ZFR2: variants seen among roughly 807,000 people sequenced by gnomAD.
ZFR2 encodes the protein zinc finger RNA-binding protein 2.
Under a neutral mutation model 105.7 loss-of-function variants are expected in ZFR2, and 104 were observed. That is an observed-to-expected ratio of 0.98 (90% CI 0.84 to 1.16). ZFR2 has a LOEUF of 1.16. ZFR2 is among the 50% of genes most tolerant of loss of function. The probability of loss-of-function intolerance (pLI) is 0.00; values close to 1 mark genes in which losing one functional copy is unlikely to be tolerated. For synonymous variants in ZFR2, 634 were observed against 597.7 expected (o/e 1.06, Z -0.89); for missense variants, 1,425 against 1,355.5 (o/e 1.05, Z -0.80).
intron 1 of ZFR2, among the ~76,000 whole-genome samples, chr19:3,844,660 C>T (rs994598087): frequency 2.0e-5 from 3 of 152,184 alleles, no homozygotes; most frequent in Non-Finnish European, 4.4e-5. Context: ...TGAGCCACTG[C>T]GCCTGGCCCA....
chr19:3,827,597 C>G lies in ZFR2; in HGVS notation c.909G>C (p.Lys303Asn). 4 of 1,578,606 alleles carry G rather than the reference C, an allele frequency of 2.5e-6. No individual in the cohort carries two copies. Among genetic ancestry groups the G allele is most frequent in the Non-Finnish European group, 3.4e-6 (4 of 1,162,694 alleles). Residue 303 changes from lysine (K) to asparagine (N), a missense_variant, in exon 6 of 19, where the codon AAG becomes AAC. Lys to Asn is a moderately conservative substitution (Grantham distance 94). Transcript: ENST00000262961. ...QKHRKKEAAQKTGVQPNGSPR... is the reference protein window; with the variant it reads ...QKHRKKEAAQNTGVQPNGSPR... ...GGCTCCCGTTGGGCTGCACGCCTGTCTTCTGGGCCGCCTCCTTCTTTCTGT... is the reference window on the plus strand; with the variant it reads ...GGCTCCCGTTGGGCTGCACGCCTGTGTTCTGGGCCGCCTCCTTCTTTCTGT...
chr19:3,849,060 T>C (rs1455156714), intron 1 of ZFR2, among the ~76,000 whole-genome samples: 2 of 152,148 alleles, frequency 1.3e-5, no homozygotes, highest in African/African-American at 4.8e-5. Flanking sequence ...CAGTACTAGA[T>C]AGTAAATCGT....
rs1408980469 is a variant in ZFR2, at chr19:3,858,441, C to T, written c.53+10524G>A. Reference sequence around the variant, plus strand: ...CACACACACACAAAACCCCCCAAAACATTTAGAGTCCAAGGAAAAACTCAA... The same window carrying T: ...CACACACACACAAAACCCCCCAAAATATTTAGAGTCCAAGGAAAAACTCAA... On this transcript the variant is annotated intron_variant, in intron 1 of 18. Transcript: ENST00000262961. The surrounding 1 kb of genome is among the most constrained non-coding windows in gnomAD (Gnocchi z 4.3). Among the ~76,000 whole-genome samples, 2 of 152,188 alleles carry T rather than the reference C, an allele frequency of 1.3e-5. No homozygotes were observed. The highest frequency in any genetic ancestry group is 6.5e-5 in the Admixed American group (1 of 15,278).
At chr19:3,808,181 G>A (rs1175944518) in intron 17 of ZFR2, among the ~76,000 whole-genome samples, 1 of 150,150 alleles carries the variant, frequency 6.7e-6, no homozygotes, top group Non-Finnish European at 1.5e-5. Flanking sequence ...GCCTGTGCGT[G>A]TGCATGCACG....
rs1018810730 is a variant in ZFR2, at chr19:3,835,098, A to C, written c.54-115T>G. On this transcript the variant is annotated intron_variant, in intron 1 of 18. Transcript: ENST00000262961. ...GGACCTGAGCTGCCCTGCTTGGTGG[A>C]GACCCTCCTAGGAGCCCAGGCACGG... The C allele has an allele frequency of 1.1e-5, 13 of 1,224,374 alleles. No individual in the cohort carries two copies. The African/African-American group carries it at 1.8e-4, about 17-fold the overall frequency. 75.8% of individuals were successfully genotyped at this position (1,224,374 alleles called of 1,614,324 possible). A position where few individuals can be genotyped will look rare whatever the true frequency, so the allele number is the denominator to read the frequency against.
chr19:3,845,023 C>G (rs1464420172), intron 1 of ZFR2, among the ~76,000 whole-genome samples: 1 of 152,184 alleles, frequency 6.6e-6, no homozygotes, highest in Non-Finnish European at 1.5e-5. Flanking sequence ...TTTATTCTCA[C>G]AGTTCTGGAG....
At position 3,834,653 on chromosome 19, in the gene ZFR2, A is replaced by C; in HGVS notation, c.264+120T>G. On this transcript the variant is annotated intron_variant, in intron 2 of 18. Transcript: ENST00000262961. This position sits in a 1 kb window ranked among gnomAD's most constrained non-coding sequence, Gnocchi z 5.3. ...ACGCAATGCCAGCAGAAGGGTCCCG[A>C]AGGAAGGATCACGGTTAAGAGGCCT... 2 of 1,117,698 alleles carry C rather than the reference A, an allele frequency of 1.8e-6. No homozygotes were observed. The highest frequency in any genetic ancestry group is 2.6e-6 in the Non-Finnish European group (2 of 770,672). The allele number at this position is 1,117,698 out of a possible 1,614,324, so 69.2% of individuals were successfully genotyped here. A position where few individuals can be genotyped will look rare whatever the true frequency, so the allele number is the denominator to read the frequency against.
At chr19:3,825,734 C>T (rs1208825110) in intron 6 of ZFR2, among the ~76,000 whole-genome samples, 1 of 152,156 alleles carries the variant, frequency 6.6e-6, no homozygotes, top group African/African-American at 2.4e-5. Context: ...CGTTTCTCAG[C>T]CTCCCAAGCC....
At position 3,858,567 on chromosome 19, in the gene ZFR2, C is replaced by T. The variant is rs957377596; in HGVS notation, c.53+10398G>A. On this transcript the variant is annotated intron_variant, in intron 1 of 18. Coordinates refer to ENST00000262961, the MANE Select transcript of ZFR2 (RefSeq NM_015174.2). This position sits in a 1 kb window ranked among gnomAD's most constrained non-coding sequence, Gnocchi z 4.3. The stretch of plus-strand genomic sequence containing the variant: ...GTGCAGTGGCTCACGCCTATAATCC[C>T]AGTGCTTTGGGAGGCCAAGGCAGGC... Among the ~76,000 whole-genome samples the T allele has an allele frequency of 2.6e-5, 4 of 152,188 alleles. No homozygotes were observed. The highest frequency in any genetic ancestry group is 6.5e-5 in the Admixed American group (1 of 15,280).
rs1383292892 is a variant in ZFR2 at position 3,834,993 on chromosome 19, C to T, written c.54-10G>A. The T allele has an allele frequency of 1.2e-6, 2 of 1,604,896 alleles. No individual in the cohort carries two copies. The highest frequency in any genetic ancestry group is 1.7e-5 in the Admixed American group (1 of 58,804). ...GGTCGGAGGCTGGGCGCTAGAACCA[C>T]AAACACACACCAAAGCCCCACCAGG... On this transcript the variant is annotated splice_polypyrimidine_tract_variant and intron_variant, in intron 1 of 18. Transcript: ENST00000262961. This position sits in a 1 kb window ranked among gnomAD's most constrained non-coding sequence, Gnocchi z 5.3.
chr19:3,823,185 C>G lies in ZFR2; in HGVS notation c.1371+61G>C. On this transcript the variant is annotated intron_variant, in intron 8 of 18. Transcript: ENST00000262961. This position sits in a 1 kb window ranked among gnomAD's most constrained non-coding sequence, Gnocchi z 5.4. ...GGAGAAGCCGGGTGAGGTCTCGAAG[C>G]CTGATCCATGGGAAGGTCCTTCCCT... The G allele has an allele frequency of 6.2e-7, 1 of 1,610,130 alleles. No homozygotes were observed. Among genetic ancestry groups the G allele is most frequent in the South Asian group, 1.1e-5 (1 of 90,882 alleles).
intron 10 of ZFR2, among the ~76,000 whole-genome samples, chr19:3,821,005 C>CGGGGGACACAGGGACACTAGAGGTCG: frequency 3.0e-5 from 1 of 32,880 alleles, no homozygotes; most frequent in African/African-American, 1.3e-4. Flanking sequence ...CACTAGAGGT[C>CGGGGGACACAGGGACACTAGAGGTCG]GGGGACACAG....
Position 3,834,804 on chromosome 19 carries a change from A to G in ZFR2, c.233T>C (p.Val78Ala), listed in dbSNP as rs1313879027. 9 of 1,612,164 alleles carry G rather than the reference A, an allele frequency of 5.6e-6. No homozygotes were observed. The highest frequency in any genetic ancestry group is 7.6e-6 in the Non-Finnish European group (9 of 1,179,728). ...FAYGSRPQEP[V>A]PTATTMATYQ... ...GGTAGCCATGGTGGTGGCCGTGGGG[A>G]CGGGCTCCTGGGGTCGGCTGCCGTA... The change falls in exon 2 of 19, where the codon GTC becomes GCC. Residue 78 changes from valine (V) to alanine (A), a missense_variant. Transcript: ENST00000262961. This position sits in a 1 kb window ranked among gnomAD's most constrained non-coding sequence, Gnocchi z 5.3.
chr19:3,831,129 GCA>G (rs571036079), intron 5 of ZFR2, among the ~76,000 whole-genome samples, 172 bp downstream of exon 5: 3 of 151,264 alleles, frequency 2.0e-5, no homozygotes, highest in Non-Finnish European at 4.4e-5. Flanking sequence ...ACTCACACTT[GCA>G]CACACACACA....
chr19:3,806,117 C>A lies in ZFR2; in HGVS notation c.2652G>T (p.Leu884=). The stretch of plus-strand genomic sequence containing the variant: ...GGGTCTGCCGGAAGGCCAGCATTCG[C>A]AGGGCGTGCTGCGGGGCACACACAG... ...EDVTASAQHA[L]RMLAFRQTHK... is the part of the protein sequence containing the mutation. The change falls in exon 19 of 19, where the codon CTG becomes CTT. Residue 884 remains leucine, a synonymous_variant. Coordinates refer to ENST00000262961, the MANE Select transcript of ZFR2 (RefSeq NM_015174.2). 1 of 1,458,870 alleles carries A rather than the reference C, an allele frequency of 6.9e-7. No individual in the cohort carries two copies. Among genetic ancestry groups the A allele is most frequent in the South Asian group, 1.4e-5 (1 of 71,916 alleles). The allele number at this position is 1,458,870 out of a possible 1,614,324, so 90.4% of individuals were successfully genotyped here.
chr19:3,806,097 T>G lies in ZFR2; in HGVS notation c.2672A>C (p.Gln891Pro), dbSNP rs757840301. The G allele has an allele frequency of 1.5e-5, 22 of 1,482,378 alleles. No individual in the cohort carries two copies. Among genetic ancestry groups the G allele is most frequent in the Non-Finnish European group, 1.8e-5 (20 of 1,116,176 alleles). The allele number at this position is 1,482,378 out of a possible 1,614,324, so 91.8% of individuals were successfully genotyped here. ...QHALRMLAFRQTHKVLGMDLL... is the reference protein window; with the variant it reads ...QHALRMLAFRPTHKVLGMDLL... ...ATCCATGCCCAGGACCTTGTGGGTC[T>G]GCCGGAAGGCCAGCATTCGCAGGGC... is the stretch of plus-strand genomic sequence containing the variant. The change falls in exon 19 of 19, where the codon CAG becomes CCG. Residue 891 changes from glutamine to proline, a missense_variant. Transcript: ENST00000262961.
At position 3,834,972 on chromosome 19, in the gene ZFR2, G is replaced by A. The variant is rs757705732; in HGVS notation, c.65C>T (p.Pro22Leu). 8.1e-6 allele frequency: 13 copies of A among 1,609,942 alleles called. No individual in the cohort carries two copies. Among genetic ancestry groups the A allele is most frequent in the South Asian group, 2.2e-5 (2 of 90,346 alleles). Residue 22 changes from proline to leucine, a missense_variant, in exon 2 of 19, where the codon CCG becomes CTG. Coordinates refer to ENST00000262961, the MANE Select transcript of ZFR2 (RefSeq NM_015174.2). The surrounding 1 kb of genome is among the most constrained non-coding windows in gnomAD (Gnocchi z 5.3). ...CCCCACAGTGGGCAGGGGAAGGGTC[G>A]GAGGCTGGGCGCTAGAACCACAAAC... ...GGGPQYSAQP[P>L]TLPLPTVGAS...
intron 3 of ZFR2, 32 bp from the exon 4 acceptor site, chr19:3,831,910 CA>C: frequency 6.7e-7 from 1 of 1,488,148 alleles, no homozygotes; most frequent in Non-Finnish European, 8.9e-7. Context: ...TCTGCAGAGC[CA>C]ACCCCCACCC....
chr19:3,806,288 A>T (rs532648130), intron 18 of ZFR2, among the ~76,000 whole-genome samples, 163 bp from the exon 19 acceptor site: 6 of 152,138 alleles, frequency 3.9e-5, no homozygotes, highest in Non-Finnish European at 5.9e-5. Context: ...TTTGAGACAC[A>T]GTCTCGCTCT....
Sources: allele counts gnomAD v4.1 joint callset (sites outside exome capture counted in the v4.1 genomes callset), GRCh38; gene constraint gnomAD v4.1.1; non-coding constraint Gnocchi (gnomAD v3.1); transcripts MANE v1.5; gene names NCBI Gene and HGNC (gene_info 2026-07-23, HGNC 2026-07-21).